MCTP1: variants seen among roughly 807,000 people sequenced by gnomAD.
MCTP1 encodes multiple C2 and transmembrane domain containing 1, also known as multiple C2 and transmembrane domain-containing protein 1.
A neutral mutation model predicts 120.6 loss-of-function variants in MCTP1; 69 were observed. The ratio of observed to expected loss-of-function variants is 0.57; its 90% confidence interval spans 0.47 to 0.70. The LOEUF is 0.70. Ranked by LOEUF, MCTP1 falls within the 30% of genes least tolerant of loss-of-function variation. The pLI is 0.00. For missense variants in MCTP1, 1,203 were observed against 1,248.8 expected, an observed-to-expected ratio of 0.96 and a Z score of 0.55; for synonymous variants, 529 against 493.1, an observed-to-expected ratio of 1.07 and a Z score of -0.96.
intron 1 of MCTP1, among the ~76,000 whole-genome samples, chr5:95,060,006 G>A (rs958738996): frequency 5.3e-5 from 8 of 152,142 alleles, no homozygotes; most frequent in Middle Eastern, 3.2e-3. Flanking sequence ...CAGCCCCAAG[G>A]GTCTTTGGTG....
intron 1 of MCTP1, among the ~76,000 whole-genome samples, chr5:95,043,614 CT>C (rs113774761): frequency 0.012 from 1,799 of 152,238 alleles, 48 homozygotes; most frequent in African/African-American, 0.041. Flanking sequence ...TGTTGATTTG[CT>C]TTCCATATAA....
intron 19 of MCTP1, among the ~76,000 whole-genome samples, chr5:94,726,731 G>C (rs984967253): frequency 2.6e-5 from 4 of 152,118 alleles, no homozygotes; most frequent in African/African-American, 9.7e-5. Context: ...GTGAGGCTTG[G>C]AGAAGCTAAG....
intron 1 of MCTP1, among the ~76,000 whole-genome samples, chr5:95,281,608 C>T (rs1207199825): frequency 6.6e-6 from 1 of 152,194 alleles, no homozygotes; most frequent in Non-Finnish European, 1.5e-5. Flanking sequence ...TTCTGTCTGC[C>T]TATATCCCAT....
At chr5:95,018,491 C>T (rs907189582) in intron 1 of MCTP1, among the ~76,000 whole-genome samples, 4 of 133,718 alleles carry the variant, frequency 3.0e-5, no homozygotes, top group Non-Finnish European at 3.3e-5. Context: ...TACATTTGTT[C>T]GTTAAAGCAG....
chr5:94,850,717 C>T (rs1793520444), intron 17 of MCTP1, among the ~76,000 whole-genome samples: 1 of 152,042 alleles, frequency 6.6e-6, no homozygotes, highest in Admixed American at 6.6e-5. Flanking sequence ...CATTGCTTTT[C>T]TGAAGGGGAA....
intron 17 of MCTP1, among the ~76,000 whole-genome samples, chr5:94,849,260 TAATAA>T (rs1793147999): frequency 1.3e-5 from 2 of 152,268 alleles, no homozygotes; most frequent in African/African-American, 4.8e-5. Flanking sequence ...CATATGATTA[TAATAA>T]AATATAAACT....
chr5:94,791,112 CAAAAAAAAAAAAAAA>C (rs60394333), intron 18 of MCTP1, among the ~76,000 whole-genome samples: 2 of 99,662 alleles, frequency 2.0e-5, no homozygotes, highest in African/African-American at 3.9e-5. Flanking sequence ...GTCTCTACTA[CAAAAAAAAAAAAAAA>C]AAAAAAGAAA....
At chr5:95,021,253 TTTG>T (rs1838152147) in intron 1 of MCTP1, among the ~76,000 whole-genome samples, 1 of 152,010 alleles carries the variant, frequency 6.6e-6, no homozygotes, top group African/African-American at 2.4e-5. Flanking sequence ...GCCTGGCTGG[TTTG>T]TTATTTACTA....
At chr5:94,963,499 C>T (rs1004746298) in intron 2 of MCTP1, among the ~76,000 whole-genome samples, 6 of 150,730 alleles carry the variant, frequency 4.0e-5, no homozygotes, top group Non-Finnish European at 7.4e-5. Flanking sequence ...ATAATAGCCA[C>T]CCTAACAGGT....
At chr5:94,871,029 C>G (rs1392520362) in intron 14 of MCTP1, 56 bp from the exon 15 acceptor site, 6 of 1,369,230 alleles carry the variant, frequency 4.4e-6, no homozygotes, top group Non-Finnish European at 1.0e-6. Flanking sequence ...GAATACACTC[C>G]CTCAGTGACC....
intron 1 of MCTP1, among the ~76,000 whole-genome samples, chr5:95,218,781 T>A (rs1471332239): frequency 6.6e-6 from 1 of 152,214 alleles, no homozygotes; most frequent in Non-Finnish European, 1.5e-5. Flanking sequence ...CTAGGCTGGA[T>A]GGTATAGCCT....
intron 1 of MCTP1, among the ~76,000 whole-genome samples, chr5:95,246,712 G>A (rs182215977): frequency 8.9e-4 from 136 of 152,208 alleles, no homozygotes; most frequent in African/African-American, 3.2e-3. Flanking sequence ...CAATAATAAT[G>A]GCAGACTTTA....
Position 94,704,954 on chromosome 5 carries a change from T to G in MCTP1, c.*2542A>C, listed in dbSNP as rs775541141. ...TTCTTTTTGATAAGTGGGGAAAAAT[T>G]TAAAAGCACAAATACGCATTTCTTA... On this transcript the variant is annotated 3_prime_UTR_variant, in exon 23 of 23. Coordinates refer to ENST00000515393, the MANE Select transcript of MCTP1 (RefSeq NM_024717.7). 2.6e-5 allele frequency: 4 copies of G among 151,204 alleles called. No individual in the cohort carries two copies. The highest frequency in any genetic ancestry group is 4.4e-5 in the Non-Finnish European group (3 of 67,536). 9.4% of individuals were successfully genotyped at this position (151,204 alleles called of 1,614,324 possible). A position where few individuals can be genotyped will look rare whatever the true frequency, so the allele number is the denominator to read the frequency against.
chr5:94,997,107 G>C (rs915453542), intron 2 of MCTP1, among the ~76,000 whole-genome samples: 1 of 152,038 alleles, frequency 6.6e-6, no homozygotes, highest in African/African-American at 2.4e-5. Context: ...AATTGAATGG[G>C]AAGTACAGAA....
chr5:94,759,687 T>G (rs1770814068), intron 19 of MCTP1, among the ~76,000 whole-genome samples: 1 of 152,126 alleles, frequency 6.6e-6, no homozygotes, highest in South Asian at 2.1e-4. Flanking sequence ...CACAGATGAA[T>G]GCTTTTTAGG....
At chr5:95,113,760 A>G (rs2152393038) in intron 1 of MCTP1, among the ~76,000 whole-genome samples, 1 of 152,286 alleles carries the variant, frequency 6.6e-6, no homozygotes, top group South Asian at 2.1e-4. Flanking sequence ...TCAGGCTCTG[A>G]GTCAGTAGAC....
At chr5:94,850,113 T>C (rs1055026584) in intron 17 of MCTP1, among the ~76,000 whole-genome samples, 1 of 152,158 alleles carries the variant, frequency 6.6e-6, no homozygotes, top group Non-Finnish European at 1.5e-5. Flanking sequence ...TTTAGAAGAT[T>C]TGTGGATTAA....
intron 17 of MCTP1, among the ~76,000 whole-genome samples, chr5:94,818,663 C>T (rs954432973): frequency 2.0e-5 from 3 of 152,178 alleles, no homozygotes; most frequent in African/African-American, 7.2e-5. Flanking sequence ...GAAGAGACTG[C>T]AACCATGTGG....
chr5:94,743,798 C>T (rs568879035), intron 19 of MCTP1, among the ~76,000 whole-genome samples: 146 of 152,012 alleles, frequency 9.6e-4, no homozygotes, highest in Non-Finnish European at 1.0e-3. Context: ...CCACCACACC[C>T]GGCTAATTTT....
Sources: allele counts gnomAD v4.1 joint callset (sites outside exome capture counted in the v4.1 genomes callset), GRCh38; gene constraint gnomAD v4.1.1; transcripts MANE v1.5; gene names NCBI Gene and HGNC (gene_info 2026-07-23, HGNC 2026-07-21).